The following SBNO1 variants were observed in gnomAD, a reference collection of about 807,000 sequenced individuals.
SBNO1 encodes protein strawberry notch homolog 1.
In SBNO1, 23 loss-of-function variants were observed where a neutral mutation model predicts 173.6. That is an observed-to-expected ratio of 0.13 (90% CI 0.10 to 0.19). The LOEUF is 0.19. Among genes scored for constraint, SBNO1 ranks in the 10% least tolerant of loss-of-function variants. The pLI is 1.00. For missense variants in SBNO1, 1,238 were observed against 1,671.2 expected (o/e 0.74, Z 4.52); for synonymous variants, 632 against 571.5 (o/e 1.11, Z -1.51).
chr12:123,298,483 C>A (rs959960755), intron 30 of SBNO1, among the ~76,000 whole-genome samples: 6 of 152,310 alleles, frequency 3.9e-5, no homozygotes, highest in Admixed American at 2.0e-4. Context: ...GTCTTAAACT[C>A]CTGACCTCAG....
At position 123,299,681 on chromosome 12, in the gene SBNO1, C is replaced by CAAAAAAAAAAAAAA. The variant is rs538218167; in HGVS notation, c.3846-1524_3846-1511dup. On this transcript the variant is annotated intron_variant, in intron 30 of 31. Transcript: ENST00000602398. ...GGGCGACACAGCAAGACTCTGTCTTCAAAAAAAAAAAAAAAAAACAAAAAA... is the reference window on the plus strand; with the variant it reads ...GGGCGACACAGCAAGACTCTGTCTTCAAAAAAAAAAAAAAAAAAAAAAAAAAAAAAAACAAAAAA... 1.3e-3 allele frequency among the ~76,000 whole-genome samples: 126 copies of CAAAAAAAAAAAAAA among 93,868 alleles called. 7 individuals are homozygous for CAAAAAAAAAAAAAA. The East Asian group carries it at 0.015, about 11-fold the overall frequency. The allele number at this position is 93,868 out of a possible 152,430, so 61.6% of individuals were successfully genotyped here. A position where few individuals can be genotyped will look rare whatever the true frequency, so the allele number is the denominator to read the frequency against.
At position 123,298,137 on chromosome 12, in the gene SBNO1, C is replaced by T. The variant is rs1402640914; in HGVS notation, c.3880G>A (p.Val1294Ile). Residue 1294 changes from valine (V) to isoleucine (I), a missense_variant, in exon 31 of 32, where the codon GTT becomes ATT. Physicochemically the swap from Val to Ile is conservative, Grantham distance 29. This residue lies in a region of SBNO1 where 351 missense variants were observed against 420.3 expected (regional missense o/e 0.84). Coordinates refer to ENST00000602398, the MANE Select transcript of SBNO1 (RefSeq NM_001167856.3). ...CGGCAACGAAGACCTATTTCACAAA[C>T]TAGCCCCAAGCTTGCTTTTTTGCAA... ...GNCKKASLGL[V>I]CEIGLRCRTY... 8 of 1,612,694 alleles carry T rather than the reference C, an allele frequency of 5.0e-6. 1 individual carries two copies. In the Admixed American group the frequency reaches 1.3e-4, roughly 27 times the overall value.
chr12:123,335,639 T>C (rs1294503294), intron 6 of SBNO1, among the ~76,000 whole-genome samples: 2 of 152,216 alleles, frequency 1.3e-5, no homozygotes, highest in Non-Finnish European at 2.9e-5. Flanking sequence ...TTAACATTGC[T>C]GCTGTAGTGT....
In SBNO1 at chr12:123,319,992, C is replaced by T. The variant is rs1310263538; in HGVS notation, c.2707G>A (p.Gly903Arg). The change falls in exon 20 of 32, where the codon GGA (glycine) becomes AGA (arginine). Residue 903 changes from glycine to arginine, a missense_variant. By Grantham distance (125) the Gly-to-Arg change is moderately radical. Around this residue, in one of 14 missense-constraint regions of SBNO1, gnomAD observed 45 missense variants for 85.5 expected, o/e 0.53. Coordinates refer to ENST00000602398, the MANE Select transcript of SBNO1 (RefSeq NM_001167856.3). ...RKGRVVSNDD[G>R]SISYESRSEL... ...GATCTTGACTCATAAGATATGCTTCCATCATCATTGCTCACAACCCGTCCC... is the reference window on the plus strand; with the variant it reads ...GATCTTGACTCATAAGATATGCTTCTATCATCATTGCTCACAACCCGTCCC... 1 of 1,613,908 alleles carries T rather than the reference C, an allele frequency of 6.2e-7. No homozygotes were observed. Among genetic ancestry groups the T allele is most frequent in the Non-Finnish European group, 8.5e-7 (1 of 1,179,940 alleles).
In SBNO1 at chr12:123,293,588, G is replaced by C. The variant is rs1333821713; in HGVS notation, c.*2320C>G. 1 of 152,104 alleles carries C rather than the reference G, an allele frequency of 6.6e-6. No individual in the cohort carries two copies. Among genetic ancestry groups the C allele is most frequent in the Non-Finnish European group, 1.5e-5 (1 of 68,046 alleles). The allele number at this position is 152,104 out of a possible 1,614,324, so 9.4% of individuals were successfully genotyped here. A position where few individuals can be genotyped will look rare whatever the true frequency, so the allele number is the denominator to read the frequency against. On this transcript the variant is annotated 3_prime_UTR_variant, in exon 32 of 32. Transcript: ENST00000602398. ...GTTGCCTTTGTGAGGTCCATTTTGA[G>C]AGGGCTTTCAGAGGCCTTTTTAATG...
chr12:123,336,348 C>T, intron 6 of SBNO1, 47 bp downstream of exon 6: 1 of 1,167,488 alleles, frequency 8.6e-7, no homozygotes, highest in East Asian at 2.5e-5. Flanking sequence ...CCAAAGAAAC[C>T]ACAGGAAAAC....
At chr12:123,314,772 AT>A (rs1267327990) in intron 23 of SBNO1, among the ~76,000 whole-genome samples, 11 of 152,058 alleles carry the variant, frequency 7.2e-5, no homozygotes, top group Non-Finnish European at 1.5e-4. Flanking sequence ...CGCCCATCTA[AT>A]TTTTGTAGAG....
chr12:123,358,742 CAAAAAAA>C (rs1164585887), intron 1 of SBNO1, among the ~76,000 whole-genome samples: 1,925 of 78,238 alleles, frequency 0.025, 12 homozygotes, highest in Non-Finnish European at 0.035. Flanking sequence ...GACTCCGTCT[CAAAAAAA>C]AAAAAAAAAA....
chr12:123,363,456 A>C (rs1875638438), intron 1 of SBNO1, among the ~76,000 whole-genome samples: 1 of 152,138 alleles, frequency 6.6e-6, no homozygotes, highest in African/African-American at 2.4e-5. Flanking sequence ...AGTTCTCTGC[A>C]CCCTTCTGGA....
At chr12:123,340,852 T>C (rs1457558193) in intron 5 of SBNO1, 136 bp downstream of exon 5, 1 of 629,838 alleles carries the variant, frequency 1.6e-6, no homozygotes, top group Non-Finnish European at 2.8e-6. Context: ...TTTAAGCATA[T>C]CCATTAGTTC....
chr12:123,356,552 C>G (rs1874484781), intron 1 of SBNO1, among the ~76,000 whole-genome samples: 1 of 152,236 alleles, frequency 6.6e-6, no homozygotes, highest in African/African-American at 2.4e-5. Context: ...AGCGATTCTC[C>G]TGCCTCAGAC....
chr12:123,297,672 G>A (rs867728562), intron 31 of SBNO1, among the ~76,000 whole-genome samples: 37 of 152,106 alleles, frequency 2.4e-4, no homozygotes, highest in Middle Eastern at 6.8e-3. Context: ...GAGAACTCCT[G>A]GGCAAGAGGC....
rs1871847635 is a variant in SBNO1 at position 123,336,379 on chromosome 12, A to G, written c.748+16T>C. On this transcript the variant is annotated intron_variant, in intron 6 of 31. Transcript: ENST00000602398. The stretch of plus-strand genomic sequence containing the variant: ...AAAACTTTGATGTAAATATCTGACA[A>G]ATCCCGAAGACATACATTTTATTGG... The G allele has an allele frequency of 1.4e-6, 2 of 1,461,852 alleles. No individual in the cohort carries two copies. Among genetic ancestry groups the G allele is most frequent in the Non-Finnish European group, 1.9e-6 (2 of 1,056,960 alleles). 90.6% of individuals were successfully genotyped at this position (1,461,852 alleles called of 1,614,324 possible).
intron 5 of SBNO1, among the ~76,000 whole-genome samples, chr12:123,340,378 C>T (rs967336340): frequency 6.6e-6 from 1 of 151,834 alleles, no homozygotes; most frequent in Non-Finnish European, 1.5e-5. Flanking sequence ...GTCAGGAGTT[C>T]GAGACCATCC....
intron 5 of SBNO1, among the ~76,000 whole-genome samples, chr12:123,338,141 G>T (rs1382413005): frequency 6.6e-6 from 1 of 152,194 alleles, no homozygotes; most frequent in Admixed American, 6.5e-5. Context: ...TCCTAGATGG[G>T]GAACGTGGGC....
At chr12:123,325,390 A>G (rs1870502809) in intron 15 of SBNO1, 112 bp downstream of exon 15, 2 of 702,994 alleles carry the variant, frequency 2.8e-6, no homozygotes, top group Admixed American at 2.4e-5. Context: ...AAGAAAACTT[A>G]AAGATGATGC....
chr12:123,350,560 G>A (rs1873754177), intron 1 of SBNO1, 119 bp from the exon 2 acceptor site: 1 of 785,508 alleles, frequency 1.3e-6, no homozygotes, highest in Non-Finnish European at 2.1e-6. Context: ...TATTAATGAA[G>A]AACCTGCCAT....
intron 24 of SBNO1, among the ~76,000 whole-genome samples, chr12:123,313,069 G>A (rs1285735011): frequency 6.6e-6 from 1 of 151,824 alleles, no homozygotes; most frequent in African/African-American, 2.4e-5. Context: ...TGGGTGTGGT[G>A]GCATGTGCCT....
In SBNO1 at chr12:123,320,590, T is replaced by G. The variant is rs770756963; in HGVS notation, c.2509A>C (p.Ser837Arg). 2 of 1,613,336 alleles carry G rather than the reference T, an allele frequency of 1.2e-6. No homozygotes were observed. Among genetic ancestry groups the G allele is most frequent in the Middle Eastern group, 1.7e-4 (1 of 6,054 alleles). Residue 837 changes from serine to arginine, a missense_variant, in exon 19 of 32, where the codon AGT becomes CGT. By Grantham distance (110) the Ser-to-Arg change is moderately radical. Coordinates refer to ENST00000602398, the MANE Select transcript of SBNO1 (RefSeq NM_001167856.3). ...NSTPANSNTN[S>R]NSSLITSQDA... ...TGACTTGTTATAAGGCTACTGTTAC[T>G]GTTGGTGTTACTGTTAGCTAGATAA... is the stretch of plus-strand genomic sequence containing the variant.
Sources: allele counts gnomAD v4.1 joint callset (sites outside exome capture counted in the v4.1 genomes callset), GRCh38; gene constraint gnomAD v4.1.1; regional missense constraint gnomAD v4.1.1; transcripts MANE v1.5; gene names NCBI Gene and HGNC (gene_info 2026-07-23, HGNC 2026-07-21).